The following IPO5 variants were observed in gnomAD, a reference collection of about 807,000 sequenced individuals.
IPO5 encodes the protein importin-5.
A neutral mutation model predicts 143.3 loss-of-function variants in IPO5; 18 were observed. That is an observed-to-expected ratio of 0.13 (90% CI 0.09 to 0.19). The LOEUF (loss-of-function observed/expected upper bound fraction) is 0.19, where lower values mean the gene tolerates loss of function less well. Ranked by LOEUF, IPO5 falls within the 10% of genes least tolerant of loss-of-function variation. IPO5 has a pLI of 1.00. For missense variants in IPO5, 1,013 were observed against 1,336.9 expected, an observed-to-expected ratio of 0.76 and a Z score of 3.78; for synonymous variants, 477 against 465.7, an observed-to-expected ratio of 1.02 and a Z score of -0.31.
At chr13:98,003,106 C>T in intron 16 of IPO5, 69 bp downstream of exon 16, 1 of 1,193,190 alleles carries the variant, frequency 8.4e-7, no homozygotes. Context: ...TGGGTAAGAA[C>T]TGGAGAAAGA....
At chr13:97,964,533 C>T (rs570589990) in intron 2 of IPO5, among the ~76,000 whole-genome samples, 103 of 150,346 alleles carry the variant, frequency 6.9e-4, no homozygotes, top group African/African-American at 1.4e-3. Flanking sequence ...CTGCAAGCTC[C>T]GCCTCCCGGG....
intron 12 of IPO5, among the ~76,000 whole-genome samples, chr13:97,998,017 C>G (rs1282575695): frequency 6.6e-6 from 1 of 151,080 alleles, no homozygotes; most frequent in Non-Finnish European, 1.5e-5. Flanking sequence ...GCTGTGTCGC[C>G]CAGGCTGGAG....
chr13:97,978,186 A>G (rs1886542146), intron 4 of IPO5, among the ~76,000 whole-genome samples: 1 of 152,182 alleles, frequency 6.6e-6, no homozygotes, highest in Non-Finnish European at 1.5e-5. Context: ...CCGTTTCCCA[A>G]AGGTGACCGC....
chr13:98,006,343 GA>G lies in IPO5; in HGVS notation c.1716del (p.Lys572AsnfsTer9). Reference protein sequence around the residue: ...ISLIGLAVGKEKFMQDASDVM... With the variant: ...ISLIGLAVGKXKFMQDASDVM... ...CCTCATTGGTCTGGCTGTTGGGAAG[GA>G]AAAAGTAAGTAATTTTTTTTTTTTT... On this transcript the variant is annotated frameshift_variant, in exon 17 of 29. Transcript: ENST00000651721. LOFTEE classifies it high-confidence loss of function. The G allele has an allele frequency of 2.4e-6, 2 of 842,084 alleles. No homozygotes were observed. Among genetic ancestry groups the G allele is most frequent in the Non-Finnish European group, 3.6e-6 (2 of 561,722 alleles). The allele number at this position is 842,084 out of a possible 1,614,324, so 52.2% of individuals were successfully genotyped here.
At chr13:97,962,571 C>T (rs1184449373) in intron 2 of IPO5, among the ~76,000 whole-genome samples, 1 of 152,110 alleles carries the variant, frequency 6.6e-6, no homozygotes, top group East Asian at 1.9e-4. Context: ...AATCCCAGCA[C>T]TTTGGGGGGC....
chr13:98,014,239 A>ATG, intron 22 of IPO5, 25 bp downstream of exon 22: 1 of 1,534,578 alleles, frequency 6.5e-7, no homozygotes, highest in Non-Finnish European at 9.0e-7. Flanking sequence ...CTTAAAAAAT[A>ATG]TGTATAAGGT....
At position 97,990,549 on chromosome 13, in the gene IPO5, A is replaced by G. The variant is rs1289126969; in HGVS notation, c.669+12A>G. 6 of 1,402,742 alleles carry G rather than the reference A, an allele frequency of 4.3e-6. No homozygotes were observed. The highest frequency in any genetic ancestry group is 1.4e-5 in the African/African-American group (1 of 69,170). 86.9% of individuals were successfully genotyped at this position (1,402,742 alleles called of 1,614,324 possible). On this transcript the variant is annotated intron_variant, in intron 9 of 28. Coordinates refer to ENST00000651721, the MANE Select transcript of IPO5 (RefSeq NM_002271.6). ...CGGGATTCCTACAGGTATGAAAGCA[A>G]TATAGAATAAATCATAATTATATCT...
intron 27 of IPO5, among the ~76,000 whole-genome samples, chr13:98,020,184 C>T (rs1171496700): frequency 6.6e-6 from 1 of 152,200 alleles, no homozygotes; most frequent in Non-Finnish European, 1.5e-5. Context: ...GCTGGGATTA[C>T]AGGCATGAGC....
intron 4 of IPO5, chr13:97,977,040 C>T (rs1270264940): frequency 5.0e-6 from 1 of 201,660 alleles, no homozygotes; most frequent in Admixed American, 5.4e-5. Flanking sequence ...CGGCCGCTCC[C>T]GACGCGCCCC....
In IPO5 at chr13:97,993,221, G is replaced by T; in HGVS notation, c.909G>T (p.Gln303His). 2 of 1,613,568 alleles carry T rather than the reference G, an allele frequency of 1.2e-6. No individual in the cohort carries two copies. The highest frequency in any genetic ancestry group is 2.2e-5 in the South Asian group (2 of 90,902). The change falls in exon 11 of 29, where the codon CAG becomes CAT. Residue 303 changes from glutamine to histidine, a missense_variant. Around this residue, in one of 2 missense-constraint regions of IPO5, gnomAD observed 685 missense variants for 994.9 expected, o/e 0.69. Coordinates refer to ENST00000651721, the MANE Select transcript of IPO5 (RefSeq NM_002271.6). ...MLRKHTNIVA[Q>H]TIPQMLAMMV... The stretch of plus-strand genomic sequence containing the variant: ...GAAAACATACCAATATTGTTGCACA[G>T]ACTAGTAAGTCAATGGTCTTCAGAT...
intron 17 of IPO5, among the ~76,000 whole-genome samples, chr13:98,006,902 A>G (rs3858774): frequency 0.37 from 47,191 of 128,662 alleles, 10,020 homozygotes; most frequent in Non-Finnish European, 0.5. Flanking sequence ...GTCTCACTCT[A>G]TCACCCAGGC....
intron 3 of IPO5, among the ~76,000 whole-genome samples, chr13:97,974,637 G>C (rs1886108841): frequency 6.6e-6 from 1 of 150,410 alleles, no homozygotes; most frequent in African/African-American, 2.5e-5. Context: ...TAATAACCTT[G>C]GCTGATGATG....
intron 2 of IPO5, among the ~76,000 whole-genome samples, chr13:97,965,866 C>T (rs538121644): frequency 1.9e-3 from 283 of 151,892 alleles, no homozygotes; most frequent in African/African-American, 6.3e-3. Context: ...AGGCCGGGCA[C>T]GGTGGCTCAC....
At chr13:97,965,836 T>A (rs1158117760) in intron 2 of IPO5, among the ~76,000 whole-genome samples, 1 of 151,768 alleles carries the variant, frequency 6.6e-6, no homozygotes, top group Non-Finnish European at 1.5e-5. Flanking sequence ...ATGTCACTTG[T>A]GAATAGAGAT....
chr13:97,985,335 A>G (rs764461926), intron 5 of IPO5, 86 bp from the exon 6 acceptor site: 42 of 1,043,918 alleles, frequency 4.0e-5, no homozygotes, highest in Non-Finnish European at 5.1e-5. Flanking sequence ...TTAGAAAATT[A>G]GGCGCTTTTG....
chr13:97,971,901 G>A (rs1237335944), intron 3 of IPO5, among the ~76,000 whole-genome samples: 1 of 152,116 alleles, frequency 6.6e-6, no homozygotes, highest in Non-Finnish European at 1.5e-5. Context: ...CATACTATGT[G>A]AATTTACATA....
intron 12 of IPO5, among the ~76,000 whole-genome samples, chr13:97,998,255 G>A (rs1479511804): frequency 1.3e-5 from 2 of 152,224 alleles, no homozygotes; most frequent in African/African-American, 2.4e-5. Context: ...GATTACAGGC[G>A]TGAGCCACCG....
At chr13:97,994,315 A>AAT (rs1594085215) in intron 11 of IPO5, among the ~76,000 whole-genome samples, 2 of 152,332 alleles carry the variant, frequency 1.3e-5, no homozygotes, top group East Asian at 3.9e-4. Context: ...CTCAAAAAAA[A>AAT]GAATTAGAAA....
chr13:98,014,387 C>G (rs922091030), intron 22 of IPO5, among the ~76,000 whole-genome samples, 173 bp downstream of exon 22: 1 of 152,138 alleles, frequency 6.6e-6, no homozygotes, highest in Non-Finnish European at 1.5e-5. Context: ...AAGCAATTCT[C>G]ATGCCTCATC....
Sources: allele counts gnomAD v4.1 joint callset (sites outside exome capture counted in the v4.1 genomes callset), GRCh38; gene constraint gnomAD v4.1.1; regional missense constraint gnomAD v4.1.1; transcripts MANE v1.5; gene names NCBI Gene and HGNC (gene_info 2026-07-23, HGNC 2026-07-21).